Variants in ARMC3 observed in about 807,000 individuals in gnomAD.
The protein encoded by ARMC3 is armadillo repeat-containing protein 3.
A neutral mutation model predicts 90.3 loss-of-function variants in ARMC3; 74 were observed. The ratio of observed to expected loss-of-function variants is 0.82; its 90% CI spans 0.68 to 0.99. ARMC3 has a LOEUF of 0.99. ARMC3 is among the 50% of genes least tolerant of loss of function. The pLI, the probability that ARMC3 is intolerant of heterozygous loss-of-function variation, is 0.00. For synonymous variants in ARMC3, 334 were observed against 361.8 expected, an observed-to-expected ratio of 0.92 and a Z score of 0.87; for missense variants, 958 against 1,042.8, an observed-to-expected ratio of 0.92 and a Z score of 1.12.
intron 2 of ARMC3, among the ~76,000 whole-genome samples, chr10:22,935,396 C>T (rs185893408): frequency 7.9e-5 from 12 of 152,254 alleles, no homozygotes; most frequent in Non-Finnish European, 1.5e-4. Flanking sequence ...TGTGCTTGCC[C>T]TATTGGACAG....
intron 2 of ARMC3, among the ~76,000 whole-genome samples, chr10:22,941,082 A>T (rs115941026): frequency 1.3e-5 from 2 of 152,156 alleles, no homozygotes; most frequent in Admixed American, 6.5e-5. Flanking sequence ...ACATGAAAGA[A>T]GCGTACACAA....
At chr10:23,021,321 TGTACACCCA>T (rs1470469416) in intron 16 of ARMC3, among the ~76,000 whole-genome samples, 1 of 152,194 alleles carries the variant, frequency 6.6e-6, no homozygotes. Context: ...TTCCTTTGGG[TGTACACCCA>T]GTAATGGGAT....
rs376421363 is a variant in ARMC3, at chr10:22,961,865, C to T, written c.538-19C>T. 8.3e-5 allele frequency: 129 copies of T among 1,555,852 alleles called. No homozygotes were observed. The highest frequency in any genetic ancestry group is 7.8e-6 in the Non-Finnish European group (9 of 1,155,680). The stretch of plus-strand genomic sequence containing the variant: ...TATTTTGCTTAAAAAAATTATTGAT[C>T]ATCTGTATTTTGTGGCAGGATTTTC... On this transcript the variant is annotated intron_variant, in intron 6 of 18. Transcript: ENST00000298032.
intron 16 of ARMC3, among the ~76,000 whole-genome samples, chr10:23,013,271 C>A (rs1489838608): frequency 1.3e-5 from 2 of 152,268 alleles, no homozygotes; most frequent in East Asian, 3.9e-4. Flanking sequence ...CATCTTATAG[C>A]TGAAGCCCAT....
At chr10:22,933,131 C>A (rs148713398) in intron 2 of ARMC3, among the ~76,000 whole-genome samples, 3,090 of 152,286 alleles carry the variant, frequency 0.02, 45 homozygotes, top group Non-Finnish European at 0.032. Flanking sequence ...CAGTTGGGAA[C>A]AAAATCTACA....
At chr10:23,032,803 A>T in intron 17 of ARMC3, 58 bp from the exon 18 acceptor site, 1 of 1,513,086 alleles carries the variant, frequency 6.6e-7, no homozygotes. Flanking sequence ...ATTACACTCA[A>T]AGCATCCTAA....
chr10:22,975,862 T>C (rs1835899500), intron 8 of ARMC3, among the ~76,000 whole-genome samples: 1 of 152,220 alleles, frequency 6.6e-6, no homozygotes. Flanking sequence ...CATGAATACT[T>C]ATTTTTAGAC....
intron 1 of ARMC3, among the ~76,000 whole-genome samples, chr10:22,930,829 G>A (rs886496446): frequency 2.6e-5 from 4 of 152,084 alleles, no homozygotes; most frequent in Admixed American, 6.6e-5. Flanking sequence ...ACGATATACC[G>A]TTTAAGATGG....
intron 18 of ARMC3, among the ~76,000 whole-genome samples, chr10:23,035,232 G>A (rs952964174): frequency 6.6e-6 from 1 of 152,062 alleles, no homozygotes; most frequent in Non-Finnish European, 1.5e-5. Context: ...TTATTATAGG[G>A]ACACTAATCC....
chr10:22,955,918 T>C lies in ARMC3; in HGVS notation c.278T>C (p.Ile93Thr), dbSNP rs1177598211. 23 of 1,604,378 alleles carry C rather than the reference T, an allele frequency of 1.4e-5. No homozygotes were observed. The Admixed American group carries it at 3.7e-4, about 26-fold the overall frequency. ...AGAAATGCTACTATGATATTTGGAA[T>C]CCTGGCTTCTAATAGTAAGTATCAA... is the stretch of plus-strand genomic sequence containing the variant. Reference protein sequence around the residue: ...VRRNATMIFGILASNNDVKKL... With the variant: ...VRRNATMIFGTLASNNDVKKL... Residue 93 changes from isoleucine (I) to threonine (T), a missense_variant, in exon 4 of 19, where the codon ATC becomes ACC. Ile to Thr is a moderately conservative substitution (Grantham distance 89). Coordinates refer to ENST00000298032, the MANE Select transcript of ARMC3 (RefSeq NM_173081.5).
intron 2 of ARMC3, among the ~76,000 whole-genome samples, chr10:22,944,282 A>T (rs1834438274): frequency 6.6e-6 from 1 of 152,132 alleles, no homozygotes; most frequent in African/African-American, 2.4e-5. Flanking sequence ...ATTATTCAAT[A>T]TTATTTCTGC....
At chr10:22,989,232 A>C (rs780188359) in intron 10 of ARMC3, among the ~76,000 whole-genome samples, 1 of 152,252 alleles carries the variant, frequency 6.6e-6, no homozygotes, top group Non-Finnish European at 1.5e-5. Flanking sequence ...TCATTTCAAC[A>C]TGCTGCTTTT....
intron 16 of ARMC3, among the ~76,000 whole-genome samples, chr10:23,024,771 C>A (rs1312304912): frequency 6.6e-6 from 1 of 152,010 alleles, no homozygotes; most frequent in Admixed American, 6.6e-5. Flanking sequence ...AAAAGAAGAG[C>A]AGAGGAATAA....
At chr10:22,984,188 C>T (rs578149860) in intron 10 of ARMC3, among the ~76,000 whole-genome samples, 1 of 152,158 alleles carries the variant, frequency 6.6e-6, no homozygotes, top group Non-Finnish European at 1.5e-5. Context: ...AAACGTAACC[C>T]TTCTCCTACA....
intron 17 of ARMC3, among the ~76,000 whole-genome samples, chr10:23,031,961 C>T (rs1482902047): frequency 2.0e-5 from 3 of 151,908 alleles, no homozygotes; most frequent in South Asian, 4.2e-4. Flanking sequence ...CTTTAAAATT[C>T]GCAATTTGGG....
At chr10:22,991,522 C>G (rs892036672) in intron 10 of ARMC3, among the ~76,000 whole-genome samples, 1 of 151,534 alleles carries the variant, frequency 6.6e-6, no homozygotes, top group Non-Finnish European at 1.5e-5. Flanking sequence ...ACCTGCTGGG[C>G]ACTGTGCTAG....
chr10:23,012,650 C>T (rs1838069124), intron 16 of ARMC3, among the ~76,000 whole-genome samples: 1 of 152,148 alleles, frequency 6.6e-6, no homozygotes, highest in African/African-American at 2.4e-5. Context: ...TAGGAACCAT[C>T]TTGAAGTCCT....
At chr10:23,012,861 A>G (rs559111347) in intron 16 of ARMC3, among the ~76,000 whole-genome samples, 7 of 150,042 alleles carry the variant, frequency 4.7e-5, no homozygotes, top group Non-Finnish European at 1.0e-4. Context: ...TCCTCCATGC[A>G]TGTGCCCCCA....
At chr10:23,004,864 C>A (rs1305914216) in intron 13 of ARMC3, among the ~76,000 whole-genome samples, 1 of 152,108 alleles carries the variant, frequency 6.6e-6, no homozygotes, top group Non-Finnish European at 1.5e-5. Flanking sequence ...AGCCCATCTC[C>A]TTCAATTATG....
Sources: allele counts gnomAD v4.1 joint callset (sites outside exome capture counted in the v4.1 genomes callset), GRCh38; gene constraint gnomAD v4.1.1; transcripts MANE v1.5; gene names NCBI Gene and HGNC (gene_info 2026-07-23, HGNC 2026-07-21).